COL6A2: variants seen among roughly 807,000 people sequenced by gnomAD.
The protein encoded by COL6A2 is collagen alpha-2(VI) chain.
In COL6A2, 90 loss-of-function variants were observed where a neutral mutation model predicts 124.9. That is an observed-to-expected ratio of 0.72 (90% CI 0.61 to 0.86). The LOEUF (loss-of-function observed/expected upper bound fraction) is 0.86, where lower values mean the gene tolerates loss of function less well. Ranked by LOEUF, COL6A2 falls within the 40% of genes least tolerant of loss-of-function variation. The probability of loss-of-function intolerance (pLI) is 0.00; values close to 1 mark genes in which losing one functional copy is unlikely to be tolerated. For missense variants in COL6A2, 1,607 were observed against 1,502.5 expected (o/e 1.07, Z -1.15); for synonymous variants, 793 against 618.2 (o/e 1.28, Z -4.19).
In COL6A2 at chr21:46,122,117, G is replaced by T; in HGVS notation, c.1531G>T (p.Gly511Cys). 6.2e-7 allele frequency: 1 copy of T among 1,612,716 alleles called. No homozygotes were observed. Among genetic ancestry groups the T allele is most frequent in the Non-Finnish European group, 8.5e-7 (1 of 1,179,986 alleles). ...CAACGTCCTCCTCCAGGGAGACCCCGGCAGGCCTGGATTCAGCTACCCAGG... is the reference window on the plus strand; with the variant it reads ...CAACGTCCTCCTCCAGGGAGACCCCTGCAGGCCTGGATTCAGCTACCCAGG... Reference protein sequence around the residue: ...SGQPGPKGDPGRPGFSYPGPR... With the variant: ...SGQPGPKGDPCRPGFSYPGPR... The change falls in exon 19 of 28, where the codon GGC (glycine) becomes TGC (cysteine). Residue 511 changes from glycine (G) to cysteine (C), a missense_variant. Around this residue, in one of 3 missense-constraint regions of COL6A2, gnomAD observed 1,223 missense variants for 1,052.2 expected, o/e 1.16. Transcript: ENST00000300527.
At chr21:46,119,534 C>G (rs1316268686) in intron 14 of COL6A2, among the ~76,000 whole-genome samples, 1 of 152,234 alleles carries the variant, frequency 6.6e-6, no homozygotes. Flanking sequence ...TCCAACTCCA[C>G]CTGGAGCCTC....
At chr21:46,098,807 C>T (rs1482532249) in intron 1 of COL6A2, 1 of 152,226 alleles carries the variant, frequency 6.6e-6, no homozygotes, top group African/African-American at 2.4e-5. Flanking sequence ...GGCGGCTCCC[C>T]AGGGCGGCGG....
intron 21 of COL6A2, among the ~76,000 whole-genome samples, chr21:46,124,351 T>TG (rs1352381524): frequency 6.6e-6 from 1 of 152,066 alleles, no homozygotes; most frequent in Admixed American, 6.5e-5. Context: ...TACATGATAA[T>TG]GGGGTGGAAT....
At chr21:46,098,865 C>T (rs1300129499) in intron 1 of COL6A2, 3 of 152,260 alleles carry the variant, frequency 2.0e-5, no homozygotes, top group African/African-American at 7.2e-5. Flanking sequence ...CGCCCACACC[C>T]GCCCTGGGAC....
rs765959776 is a variant in COL6A2, at chr21:46,124,665, C to G, written c.1686C>G (p.Pro562=). The change falls in exon 22 of 28, where the codon CCC becomes CCG. Residue 562 remains proline, a synonymous_variant. Coordinates refer to ENST00000300527, the MANE Select transcript of COL6A2 (RefSeq NM_001849.4). ...TTCCTTCTCAGGCGGATCCTGGTCC[C>G]CCTGGTGAGCCAGGCCCTCGGGGGC... ...GEKGEPADPG[P]PGEPGPRGPR... is the part of the protein sequence containing the mutation. The G allele has an allele frequency of 6.2e-7, 1 of 1,612,942 alleles. No homozygotes were observed. Among genetic ancestry groups the G allele is most frequent in the Non-Finnish European group, 8.5e-7 (1 of 1,179,934 alleles).
intron 1 of COL6A2, among the ~76,000 whole-genome samples, chr21:46,098,597 G>T (rs1408496925): frequency 6.6e-6 from 1 of 151,734 alleles, no homozygotes; most frequent in African/African-American, 2.4e-5. Flanking sequence ...GCCCCGGCTG[G>T]CTGGGACCTC....
At chr21:46,113,922 C>T (rs1281954485) in intron 4 of COL6A2, 86 bp from the exon 5 acceptor site, 43 of 1,123,326 alleles carry the variant, frequency 3.8e-5, no homozygotes, top group South Asian at 5.0e-5. Context: ...TGCTGAGAGT[C>T]GTGGGCTACA....
rs772514891 is a variant in COL6A2 at position 46,126,028 on chromosome 21, G to A, written c.2213G>A (p.Arg738Gln). ...VVITDGRHDP[R>Q]DDDLNLRALC... ...ATCACGGACGGGCGCCACGACCCTC[G>A]GGACGATGACCTCAACTTGCGGGCG... Residue 738 changes from arginine (R) to glutamine (Q), a missense_variant, in exon 26 of 28, where the codon CGG becomes CAG. Arg to Gln is a conservative substitution (Grantham distance 43, BLOSUM62 1). Coordinates refer to ENST00000300527, the MANE Select transcript of COL6A2 (RefSeq NM_001849.4). The A allele has an allele frequency of 5.6e-6, 9 of 1,612,852 alleles. No homozygotes were observed. Among genetic ancestry groups the A allele is most frequent in the Admixed American group, 3.3e-5 (2 of 60,004 alleles).
intron 1 of COL6A2, among the ~76,000 whole-genome samples, chr21:46,107,883 C>T (rs988120944): frequency 1.6e-4 from 25 of 152,196 alleles, no homozygotes; most frequent in African/African-American, 6.0e-4. Context: ...AACCGAGCTG[C>T]ACCCCAGCCA....
Position 46,116,923 on chromosome 21 carries a change from G to GCAGA in COL6A2, c.999+111_999+112insGACA. 3.1e-6 allele frequency: 2 copies of GCAGA among 643,322 alleles called. No homozygotes were observed. The highest frequency in any genetic ancestry group is 5.0e-6 in the Non-Finnish European group (2 of 401,794). The allele number at this position is 643,322 out of a possible 1,614,324, so 39.9% of individuals were successfully genotyped here. On this transcript the variant is annotated intron_variant, in intron 10 of 27. Transcript: ENST00000300527. The surrounding 1 kb of genome is among the most constrained non-coding windows in gnomAD (Gnocchi z 4.6). The stretch of plus-strand genomic sequence containing the variant: ...TGTCAGCTTACACATGTGTACACAC[G>GCAGA]CATACACACACACACACACACACAC...
intron 27 of COL6A2, among the ~76,000 whole-genome samples, chr21:46,131,359 G>C (rs1359761737): frequency 2.6e-5 from 4 of 152,218 alleles, no homozygotes; most frequent in South Asian, 2.1e-4. Flanking sequence ...CTTGGTAACA[G>C]AGTCATAGGG....
intron 1 of COL6A2, chr21:46,098,836 C>G (rs1326811623): frequency 2.0e-5 from 3 of 152,354 alleles, no homozygotes; most frequent in Non-Finnish European, 4.4e-5. Context: ...CTGACAGCGA[C>G]CCGCAGCCCC....
At chr21:46,115,583 G>A (rs1441813584) in intron 5 of COL6A2, among the ~76,000 whole-genome samples, 1 of 152,224 alleles carries the variant, frequency 6.6e-6, no homozygotes, top group Admixed American at 6.5e-5. Context: ...ACTGGGTGCA[G>A]AAGGGACCCC....
intron 27 of COL6A2, among the ~76,000 whole-genome samples, chr21:46,128,493 C>CCCTGG (rs1300484959): frequency 2.0e-4 from 31 of 152,230 alleles, no homozygotes; most frequent in Admixed American, 1.9e-3. Context: ...TGTGGCCTGG[C>CCCTGG]CCTGGCCTTC....
At chr21:46,123,868 C>CAGATGGATGGATGGGT (rs1555875028) in intron 21 of COL6A2, among the ~76,000 whole-genome samples, 5 of 129,696 alleles carry the variant, frequency 3.9e-5, no homozygotes, top group African/African-American at 1.4e-4. Context: ...AGTGGGTTGG[C>CAGATGGATGGATGGGT]AGATGGATGG....
Position 46,132,228 on chromosome 21 carries a change from C to G in COL6A2, c.2736C>G (p.Asn912Lys). The change falls in exon 28 of 28, where the codon AAC (asparagine) becomes AAG (lysine). Residue 912 changes from asparagine (N) to lysine (K), a missense_variant. Asn to Lys is a moderately conservative substitution (Grantham distance 94). Coordinates refer to ENST00000300527, the MANE Select transcript of COL6A2 (RefSeq NM_001849.4). Reference sequence around the variant, plus strand: ...CGCTGGAGACCACACAATACCTGAACTCCTTCTCGCACGTGGGCGCAGGCG... The same window carrying G: ...CGCTGGAGACCACACAATACCTGAAGTCCTTCTCGCACGTGGGCGCAGGCG... ...HEALETTQYL[N>K]SFSHVGAGVV... The G allele has an allele frequency of 2.5e-6, 4 of 1,597,876 alleles. No homozygotes were observed. The highest frequency in any genetic ancestry group is 3.4e-6 in the Non-Finnish European group (4 of 1,173,664).
chr21:46,103,188 G>A (rs2078305005), intron 1 of COL6A2, among the ~76,000 whole-genome samples: 1 of 152,150 alleles, frequency 6.6e-6, no homozygotes, highest in South Asian at 2.1e-4. Flanking sequence ...TTCCATCTGT[G>A]TTATTCAAAT....
chr21:46,122,931 A>C lies in COL6A2; in HGVS notation c.1665A>C (p.Gly555=), dbSNP rs2078589684. The C allele has an allele frequency of 6.2e-7, 1 of 1,613,170 alleles. No individual in the cohort carries two copies. The highest frequency in any genetic ancestry group is 1.1e-5 in the South Asian group (1 of 91,072). The change falls in exon 21 of 28, where the codon GGA becomes GGC. Residue 555 remains glycine (G), a synonymous_variant. Coordinates refer to ENST00000300527, the MANE Select transcript of COL6A2 (RefSeq NM_001849.4). Reference sequence around the variant, plus strand: ...AACCTGGGAGGAAAGGAGAGAAAGGAGAGCCTGTGAGTGTCACCGTCCCGA... The same window carrying C: ...AACCTGGGAGGAAAGGAGAGAAAGGCGAGCCTGTGAGTGTCACCGTCCCGA... ...KGEPGRKGEK[G]EPADPGPPGE...
chr21:46,120,928 G>C lies in COL6A2; in HGVS notation c.1396-133G>C, dbSNP rs55964853. ...AAGGTCAAGTGGAGCCACAGCCTCC[G>C]GGGAGGGTCATAGGGGCCGGGGCCA... On this transcript the variant is annotated intron_variant, in intron 16 of 27. Coordinates refer to ENST00000300527, the MANE Select transcript of COL6A2 (RefSeq NM_001849.4). 0.14 allele frequency: 120,310 copies of C among 840,154 alleles called. 10,391 individuals carry two copies. The highest frequency in any genetic ancestry group is 0.19 in the Non-Finnish European group (93,063 of 494,434). 52.0% of individuals were successfully genotyped at this position (840,154 alleles called of 1,614,324 possible).
Sources: gnomAD v4.1 joint callset for allele counts (sites outside exome capture counted in the v4.1 genomes callset) on GRCh38, gnomAD v4.1.1 for gene constraint, gnomAD v4.1.1 regional missense constraint, Gnocchi (gnomAD v3.1) non-coding constraint, MANE v1.5 for transcripts, NCBI Gene and HGNC (gene_info 2026-07-23, HGNC 2026-07-21) for gene names.